The following GALNT13 variants were observed in gnomAD, a reference collection of about 807,000 sequenced individuals.
GALNT13 encodes polypeptide N-acetylgalactosaminyltransferase 13.
A neutral mutation model predicts 64.2 loss-of-function variants in GALNT13; 28 were observed. That is an observed-to-expected ratio of 0.44 (90% CI 0.32 to 0.60). GALNT13 has a LOEUF of 0.60. GALNT13 is among the 20% of genes least tolerant of loss of function. GALNT13 has a pLI of 0.05. For missense variants in GALNT13, 577 were observed against 669.8 expected (o/e 0.86, Z 1.53); for synonymous variants, 214 against 224.6 (o/e 0.95, Z 0.42).
chr2:154,393,869 G>C (rs922870628), intron 9 of GALNT13, among the ~76,000 whole-genome samples: 18 of 151,372 alleles, frequency 1.2e-4, no homozygotes, highest in African/African-American at 4.4e-4. Flanking sequence ...ACGAGGTCAG[G>C]AGATCGAGAC....
intron 7 of GALNT13, among the ~76,000 whole-genome samples, chr2:154,256,536 A>G (rs912864813): frequency 1.3e-5 from 2 of 152,238 alleles, no homozygotes; most frequent in Non-Finnish European, 2.9e-5. Flanking sequence ...GATATGAGGT[A>G]GTTCTAAATG....
chr2:153,983,949 G>A (rs1199879200), intron 3 of GALNT13, among the ~76,000 whole-genome samples: 5 of 151,848 alleles, frequency 3.3e-5, no homozygotes, highest in Non-Finnish European at 7.4e-5. Flanking sequence ...TGGTATCACA[G>A]AACTGCAATA....
the GALNT13 span, among the ~76,000 whole-genome samples, chr2:153,119,339 C>T: frequency 6.6e-6 from 1 of 151,790 alleles, no homozygotes; most frequent in African/African-American, 2.4e-5. Flanking sequence ...TCAGTGTAGC[C>T]CAATACTAGA....
At chr2:153,174,502 G>T in the GALNT13 span, among the ~76,000 whole-genome samples, 1 of 149,862 alleles carries the variant, frequency 6.7e-6, no homozygotes, top group Non-Finnish European at 1.5e-5. Flanking sequence ...GATAGGCTGA[G>T]AATTTTCCAA....
the GALNT13 span, among the ~76,000 whole-genome samples, chr2:153,729,708 T>C: frequency 6.6e-6 from 1 of 152,074 alleles, no homozygotes; most frequent in Admixed American, 6.6e-5. Context: ...TCTGCTGACA[T>C]GATCTTATAC....
rs151311130 is a variant in GALNT13, at chr2:154,108,303, C to A, written c.143-32034C>A. Reference sequence around the variant, plus strand: ...TTTAACTTTTTGGTAGTTGCCAATTCTGAAAGGTGTGAGATAATATCTTAT... The same window carrying A: ...TTTAACTTTTTGGTAGTTGCCAATTATGAAAGGTGTGAGATAATATCTTAT... On this transcript the variant is annotated intron_variant, in intron 3 of 12. Coordinates refer to ENST00000392825, the MANE Select transcript of GALNT13 (RefSeq NM_052917.4). Among the ~76,000 whole-genome samples, 137 of 151,838 alleles carry A rather than the reference C, an allele frequency of 9.0e-4. No homozygotes were observed. The Middle Eastern group carries it at 0.01, about 11-fold the overall frequency.
chr2:154,434,104 C>T (rs1298815776), intron 11 of GALNT13, among the ~76,000 whole-genome samples: 1 of 152,242 alleles, frequency 6.6e-6, no homozygotes, highest in African/African-American at 2.4e-5. Context: ...ACCAACTCTA[C>T]TAAGATCTTG....
intron 11 of GALNT13, among the ~76,000 whole-genome samples, chr2:154,433,642 A>C (rs1406474671): frequency 6.6e-6 from 1 of 152,122 alleles, no homozygotes; most frequent in Non-Finnish European, 1.5e-5. Context: ...CAATGTGAAG[A>C]AGGGGGAATT....
intron 8 of GALNT13, among the ~76,000 whole-genome samples, chr2:154,272,586 C>T (rs1197469492): frequency 6.6e-6 from 1 of 152,008 alleles, no homozygotes. Context: ...GCAATAAAAA[C>T]AGCTATATGA....
chr2:153,679,394 T>C, the GALNT13 span, among the ~76,000 whole-genome samples: 2 of 152,010 alleles, frequency 1.3e-5, no homozygotes, highest in African/African-American at 4.8e-5. Flanking sequence ...CTTGTGTTTC[T>C]CCTCTGTCTA....
chr2:153,609,465 G>A, the GALNT13 span, among the ~76,000 whole-genome samples: 8 of 152,148 alleles, frequency 5.3e-5, no homozygotes, highest in South Asian at 8.3e-4. Flanking sequence ...TCTTACACCC[G>A]TTTCCATCAT....
the GALNT13 span, among the ~76,000 whole-genome samples, chr2:153,278,609 G>T: frequency 6.6e-6 from 1 of 151,728 alleles, no homozygotes; most frequent in Non-Finnish European, 1.5e-5. Context: ...TATTGAATAG[G>T]GATTCTTTTC....
chr2:153,658,462 T>C, the GALNT13 span, among the ~76,000 whole-genome samples: 3 of 152,124 alleles, frequency 2.0e-5, no homozygotes, highest in African/African-American at 7.2e-5. Flanking sequence ...CAGTAGGTGA[T>C]AGACACTCCC....
At chr2:154,179,158 A>T (rs1685819907) in intron 4 of GALNT13, among the ~76,000 whole-genome samples, 1 of 152,166 alleles carries the variant, frequency 6.6e-6, no homozygotes, top group Non-Finnish European at 1.5e-5. Flanking sequence ...ACTCTACCCC[A>T]GGTATGTTAA....
intron 3 of GALNT13, among the ~76,000 whole-genome samples, chr2:154,090,894 G>A (rs10193302): frequency 0.55 from 83,640 of 151,478 alleles, 24,290 homozygotes; most frequent in East Asian, 0.85. Flanking sequence ...AGCAATCACA[G>A]AATTTTCACA....
the GALNT13 span, among the ~76,000 whole-genome samples, chr2:153,824,162 A>G: frequency 1.3e-5 from 2 of 150,998 alleles, no homozygotes; most frequent in African/African-American, 4.9e-5. Flanking sequence ...TATACACTGT[A>G]TATATATATA....
the GALNT13 span, among the ~76,000 whole-genome samples, chr2:153,549,245 G>A: frequency 1.0e-3 from 154 of 152,214 alleles, no homozygotes; most frequent in Admixed American, 2.6e-3. Flanking sequence ...GTTAAAATGG[G>A]AATTTCAAAA....
the GALNT13 span, among the ~76,000 whole-genome samples, chr2:153,826,759 G>A: frequency 2.0e-5 from 3 of 152,078 alleles, no homozygotes; most frequent in African/African-American, 7.2e-5. Context: ...TTGTTCAAGA[G>A]AGATACAGGG....
chr2:154,350,664 A>G (rs1239185662), intron 9 of GALNT13, among the ~76,000 whole-genome samples: 1 of 152,162 alleles, frequency 6.6e-6, no homozygotes, highest in Non-Finnish European at 1.5e-5. Flanking sequence ...TATTAGTCCT[A>G]TCCCTCTAGA....
Sources: gnomAD v4.1 joint callset for allele counts (sites outside exome capture counted in the v4.1 genomes callset) on GRCh38, gnomAD v4.1.1 for gene constraint, MANE v1.5 for transcripts, NCBI Gene and HGNC (gene_info 2026-07-23, HGNC 2026-07-21) for gene names.